The following FILIP1L variants were observed in gnomAD, a reference collection of about 807,000 sequenced individuals.
FILIP1L encodes filamin A-interacting protein 1-like.
In FILIP1L, 55 loss-of-function variants were observed where a neutral mutation model predicts 96.6. The ratio of observed to expected loss-of-function variants is 0.57; its 90% CI spans 0.46 to 0.71. FILIP1L has a LOEUF of 0.71. Among genes scored for constraint, FILIP1L ranks in the 30% least tolerant of loss-of-function variants. The pLI, the probability that FILIP1L is intolerant of heterozygous loss-of-function variation, is 0.00. For synonymous variants in FILIP1L, 467 were observed against 473.9 expected (o/e 0.99, Z 0.19); for missense variants, 1,304 against 1,321.2 (o/e 0.99, Z 0.20).
chr3:99,916,301 A>G (rs916969611), intron 4 of FILIP1L, among the ~76,000 whole-genome samples: 2 of 152,160 alleles, frequency 1.3e-5, no homozygotes, highest in Non-Finnish European at 2.9e-5. Flanking sequence ...AATAGAATCT[A>G]CACCATTGAT....
chr3:100,048,460 G>A (rs374629589), intron 1 of FILIP1L, among the ~76,000 whole-genome samples: 6 of 152,172 alleles, frequency 3.9e-5, no homozygotes, highest in South Asian at 4.1e-4. Context: ...GTGGCTAACC[G>A]AGGCAAGCTG....
intron 1 of FILIP1L, among the ~76,000 whole-genome samples, chr3:99,951,660 A>G (rs957399280): frequency 1.3e-5 from 2 of 152,182 alleles, no homozygotes; most frequent in African/African-American, 4.8e-5. Context: ...AGTCCCCACT[A>G]TGTTGGGCTT....
At chr3:100,079,544 G>A (rs569565595) in intron 1 of FILIP1L, among the ~76,000 whole-genome samples, 93 of 152,136 alleles carry the variant, frequency 6.1e-4, no homozygotes, top group Non-Finnish European at 1.2e-3. Flanking sequence ...CAGCAAAAAA[G>A]TAGATTTTTT....
chr3:99,935,502 T>G (rs1707634948), intron 1 of FILIP1L, among the ~76,000 whole-genome samples: 1 of 152,160 alleles, frequency 6.6e-6, no homozygotes, highest in African/African-American at 2.4e-5. Context: ...CTGCCTTTAA[T>G]TAGCCAGGGT....
intron 4 of FILIP1L, among the ~76,000 whole-genome samples, chr3:99,905,361 A>G (rs1706580232): frequency 6.6e-6 from 1 of 152,278 alleles, no homozygotes; most frequent in Admixed American, 6.5e-5. Flanking sequence ...ACAGGATTCC[A>G]AAGCCAAACT....
intron 1 of FILIP1L, among the ~76,000 whole-genome samples, chr3:99,985,863 A>G (rs1405588861): frequency 1.3e-5 from 2 of 152,168 alleles, no homozygotes; most frequent in African/African-American, 4.8e-5. Context: ...TACTGGGATT[A>G]CAGGCGTGAG....
intron 1 of FILIP1L, among the ~76,000 whole-genome samples, chr3:100,047,515 G>T (rs1346168554): frequency 1.2e-4 from 19 of 152,152 alleles, no homozygotes; most frequent in Non-Finnish European, 1.5e-5. Context: ...ACCAGCGAGG[G>T]TCATAAAGCT....
At chr3:100,069,356 T>G (rs2065722633) in intron 1 of FILIP1L, among the ~76,000 whole-genome samples, 1 of 152,036 alleles carries the variant, frequency 6.6e-6, no homozygotes, top group South Asian at 2.1e-4. Flanking sequence ...AATTACCTAA[T>G]TTTTGCAACA....
chr3:100,035,704 T>C (rs2065096796), intron 1 of FILIP1L, among the ~76,000 whole-genome samples: 1 of 152,248 alleles, frequency 6.6e-6, no homozygotes, highest in Non-Finnish European at 1.5e-5. Flanking sequence ...GGGTATTTCT[T>C]GATTACCTTT....
intron 4 of FILIP1L, among the ~76,000 whole-genome samples, chr3:99,878,699 G>T (rs1358392046): frequency 6.6e-6 from 1 of 152,204 alleles, no homozygotes; most frequent in African/African-American, 2.4e-5. Flanking sequence ...TCTTGTTCTA[G>T]TAAAATTAGA....
At position 99,985,868 on chromosome 3, in the gene FILIP1L, C is replaced by T. The variant is rs145485919; in HGVS notation, c.-10-54838G>A. ...CCTCCCAAAGTACTGGGATTACAGG[C>T]GTGAGCCACCGCACCGGGCCTGAGA... On this transcript the variant is annotated intron_variant, in intron 1 of 5. Coordinates refer to ENST00000477258, the MANE Select transcript of FILIP1L (RefSeq NM_001387850.1). Among the ~76,000 whole-genome samples, 687 of 152,238 alleles carry T rather than the reference C, an allele frequency of 4.5e-3. 7 individuals are homozygous for T. Among genetic ancestry groups the T allele is most frequent in the African/African-American group, 0.016 (673 of 41,534 alleles).
intron 1 of FILIP1L, among the ~76,000 whole-genome samples, chr3:100,112,439 A>G (rs1474633061): frequency 6.6e-6 from 1 of 152,224 alleles, no homozygotes; most frequent in African/African-American, 2.4e-5. Flanking sequence ...CAATGGCACA[A>G]TAAAATATCT....
Position 99,849,521 on chromosome 3 carries a change from C to A in FILIP1L, c.2155G>T (p.Val719Leu). The change falls in exon 5 of 6, where the codon GTG becomes TTG. Residue 719 changes from valine (V) to leucine (L), a missense_variant. Val to Leu is a conservative substitution (Grantham distance 32, BLOSUM62 1). Coordinates refer to ENST00000477258, the MANE Select transcript of FILIP1L (RefSeq NM_001387850.1). Reference sequence around the variant, plus strand: ...TGAATTTTCTCTTTTAATGCATCCACTTCTCTTGAGAGGTGCCCTGACTTA... The same window carrying A: ...TGAATTTTCTCTTTTAATGCATCCAATTCTCTTGAGAGGTGCCCTGACTTA... ...EAKSGHLSRE[V>L]DALKEKIHEY... The A allele has an allele frequency of 6.2e-7, 1 of 1,613,320 alleles. No homozygotes were observed. The highest frequency in any genetic ancestry group is 8.5e-7 in the Non-Finnish European group (1 of 1,179,874).
rs376389931 is a variant in FILIP1L, at chr3:99,833,346, CAAAA to C, written c.3382-2745_3382-2742del. 9.4e-5 allele frequency: 109 copies of C among 1,156,950 alleles called. No homozygotes were observed. The African/African-American group carries it at 1.3e-3, about 13-fold the overall frequency. The allele number at this position is 1,156,950 out of a possible 1,614,324, so 71.7% of individuals were successfully genotyped here. ...TTGGTTTGTTTTATCCATAGATTCT[CAAAA>C]GAAACCTAGCAATCTAGAAGACTCC... On this transcript the variant is annotated intron_variant, in intron 5 of 5. Transcript: ENST00000477258.
intron 1 of FILIP1L, among the ~76,000 whole-genome samples, chr3:100,044,418 G>A (rs888400068): frequency 1.3e-5 from 2 of 152,180 alleles, no homozygotes; most frequent in African/African-American, 2.4e-5. Flanking sequence ...TGAAACAATA[G>A]GTAAGCTGAG....
intron 1 of FILIP1L, among the ~76,000 whole-genome samples, chr3:100,087,479 T>G (rs376857347): frequency 6.6e-6 from 1 of 152,170 alleles, no homozygotes; most frequent in African/African-American, 2.4e-5. Flanking sequence ...ATTTCCACAA[T>G]GACTAATGGT....
At chr3:99,900,092 C>T (rs1706387101) in intron 4 of FILIP1L, among the ~76,000 whole-genome samples, 1 of 152,102 alleles carries the variant, frequency 6.6e-6, no homozygotes. Flanking sequence ...ATATCTAGAA[C>T]AGTGTTTCAC....
At chr3:99,986,967 G>A (rs1403002074) in intron 1 of FILIP1L, among the ~76,000 whole-genome samples, 1 of 145,552 alleles carries the variant, frequency 6.9e-6, no homozygotes, top group South Asian at 2.3e-4. Context: ...AGTGGCTCAT[G>A]CCTATAATCC....
intron 1 of FILIP1L, among the ~76,000 whole-genome samples, chr3:100,100,731 T>TATTA (rs2107456141): frequency 6.6e-6 from 1 of 152,312 alleles, no homozygotes; most frequent in South Asian, 2.1e-4. Context: ...ACCAAGATGA[T>TATTA]GAGAAATAGC....
Sources: allele counts gnomAD v4.1 joint callset (sites outside exome capture counted in the v4.1 genomes callset), GRCh38; gene constraint gnomAD v4.1.1; transcripts MANE v1.5; gene names NCBI Gene and HGNC (gene_info 2026-07-23, HGNC 2026-07-21).